The following GGT7 variants were observed in gnomAD, a reference collection of about 807,000 sequenced individuals.
GGT7 encodes glutathione hydrolase 7.
In GGT7, 30 loss-of-function variants were observed where a neutral mutation model predicts 69.2. That is an observed-to-expected ratio of 0.43 (90% CI 0.32 to 0.59). The LOEUF (loss-of-function observed/expected upper bound fraction) is 0.59. Ranked by LOEUF, GGT7 falls within the 20% of genes least tolerant of loss-of-function variation. GGT7 has a pLI of 0.05. For synonymous variants in GGT7, 388 were observed against 391.8 expected, an observed-to-expected ratio of 0.99 and a Z score of 0.12; for missense variants, 733 against 901.1, an observed-to-expected ratio of 0.81 and a Z score of 2.39.
chr20:34,854,702 C>T, intron 9 of GGT7, 83 bp from the exon 10 acceptor site: 1 of 1,591,732 alleles, frequency 6.3e-7, no homozygotes, highest in Non-Finnish European at 8.6e-7. Context: ...TGTGAGAAAA[C>T]TTGGAGGGGA....
intron 3 of GGT7, 75 bp from the exon 4 acceptor site, chr20:34,861,637 C>A: frequency 3.4e-6 from 3 of 887,410 alleles, no homozygotes; most frequent in Non-Finnish European, 4.8e-6. Context: ...TGCCCCTCCA[C>A]CCCCAGTGGT....
At chr20:34,856,345 C>A (rs1331524697) in intron 8 of GGT7, among the ~76,000 whole-genome samples, 1 of 152,152 alleles carries the variant, frequency 6.6e-6, no homozygotes, top group Non-Finnish European at 1.5e-5. Context: ...TTGAGTTTGG[C>A]CAGTTGTTAT....
rs1206361543 is a variant in GGT7 at position 34,863,261 on chromosome 20, ACCCCACT to A, written c.405+45_405+51del. On this transcript the variant is annotated intron_variant, in intron 2 of 14. Coordinates refer to ENST00000336431, the MANE Select transcript of GGT7 (RefSeq NM_178026.3). The surrounding 1 kb of genome is among the most constrained non-coding windows in gnomAD (Gnocchi z 4.4). Reference sequence around the variant, plus strand: ...CAGTTTCCACAGTTCCTCAAACATTACCCCACTCCCCACTCCCCAGTTTCCTCCCCCT... The same window carrying A: ...CAGTTTCCACAGTTCCTCAAACATTACCCCACTCCCCAGTTTCCTCCCCCT... 6.9e-6 allele frequency: 9 copies of A among 1,299,096 alleles called. No individual in the cohort carries two copies. Among genetic ancestry groups the A allele is most frequent in the Middle Eastern group, 1.8e-4 (1 of 5,462 alleles). 80.5% of individuals were successfully genotyped at this position (1,299,096 alleles called of 1,614,324 possible).
chr20:34,862,953 C>G lies in GGT7; in HGVS notation c.418G>C (p.Gly140Arg). The change falls in exon 3 of 15, where the codon GGT becomes CGT. Residue 140 changes from glycine to arginine, a missense_variant. Coordinates refer to ENST00000336431, the MANE Select transcript of GGT7 (RefSeq NM_178026.3). Reference sequence around the variant, plus strand: ...CGGGCAGCATCGGTCACCACGGCACCCTGCTGGAAGATCTGGGAGGGGAAA... The same window carrying G: ...CGGGCAGCATCGGTCACCACGGCACGCTGCTGGAAGATCTGGGAGGGGAAA... Reference protein sequence around the residue: ...YFGDPQIFQQGAVVTDAARCT... With the variant: ...YFGDPQIFQQRAVVTDAARCT... 1 of 1,613,034 alleles carries G rather than the reference C, an allele frequency of 6.2e-7. No individual in the cohort carries two copies. Among genetic ancestry groups the G allele is most frequent in the Non-Finnish European group, 8.5e-7 (1 of 1,179,606 alleles).
chr20:34,856,593 C>G (rs1348466276), intron 8 of GGT7, among the ~76,000 whole-genome samples: 1 of 152,198 alleles, frequency 6.6e-6, no homozygotes, highest in Non-Finnish European at 1.5e-5. Context: ...GGTCCACCCC[C>G]CAATATCCTA....
chr20:34,860,205 A>C (rs1236736932), intron 5 of GGT7, 49 bp downstream of exon 5: 1 of 1,386,778 alleles, frequency 7.2e-7, no homozygotes, highest in Non-Finnish European at 1.0e-6. Flanking sequence ...AGGCCACCCA[A>C]GGAGAGATGC....
In GGT7 at chr20:34,862,948, G is replaced by C. The variant is rs1358595796; in HGVS notation, c.423C>G (p.Ala141=). 1 of 1,613,292 alleles carries C rather than the reference G, an allele frequency of 6.2e-7. No homozygotes were observed. The highest frequency in any genetic ancestry group is 8.5e-7 in the Non-Finnish European group (1 of 1,179,692). ...FGDPQIFQQG[A]VVTDAARCTS... ...TGCAGCGGGCAGCATCGGTCACCACGGCACCCTGCTGGAAGATCTGGGAGG... is the reference window on the plus strand; with the variant it reads ...TGCAGCGGGCAGCATCGGTCACCACCGCACCCTGCTGGAAGATCTGGGAGG... The change falls in exon 3 of 15, where the codon GCC becomes GCG. Residue 141 remains alanine, a synonymous_variant. Coordinates refer to ENST00000336431, the MANE Select transcript of GGT7 (RefSeq NM_178026.3).
Position 34,872,802 on chromosome 20 carries a change from T to G in GGT7, c.14A>C (p.Asn5Thr), listed in dbSNP as rs1177795434. ...CAGGGCGCTCTCCTGGCTGGCCTCG[T>G]TCTCCGCCGCCATCCTCGCCCGCGC... is the stretch of plus-strand genomic sequence containing the variant. The part of the protein sequence containing the change: MAAE[N>T]EASQESALGA... Residue 5 changes from asparagine (N) to threonine (T), a missense_variant, in exon 1 of 15, where the codon AAC becomes ACC. Transcript: ENST00000336431. The G allele has an allele frequency of 7.4e-7, 1 of 1,358,210 alleles. No homozygotes were observed. The highest frequency in any genetic ancestry group is 9.5e-7 in the Non-Finnish European group (1 of 1,048,858). The allele number at this position is 1,358,210 out of a possible 1,614,324, so 84.1% of individuals were successfully genotyped here.
At chr20:34,860,404 G>C (rs2079573040) in intron 4 of GGT7, 83 bp from the exon 5 acceptor site, 1 of 1,043,656 alleles carries the variant, frequency 9.6e-7, no homozygotes, top group Admixed American at 1.7e-5. Context: ...AGAGCCCCAA[G>C]CCAGGGATGG....
intron 1 of GGT7, among the ~76,000 whole-genome samples, chr20:34,869,241 C>G (rs1038745029): frequency 6.6e-6 from 1 of 152,090 alleles, no homozygotes; most frequent in Non-Finnish European, 1.5e-5. Flanking sequence ...AATCTCAGCT[C>G]ACTGCAGCCT....
In GGT7 at chr20:34,854,872, C is replaced by G; in HGVS notation, c.1154G>C (p.Ser385Thr). ...GAAGCCCTCCAGGATGTTGAGAGCA[C>G]TGATGAGGGCAGGGCCCGTGTGCGG... Reference protein sequence around the residue: ...PPPHTGPALISALNILEGFNL... With the variant: ...PPPHTGPALITALNILEGFNL... Residue 385 changes from serine (S) to threonine (T), a missense_variant, in exon 9 of 15, where the codon AGT (serine) becomes ACT (threonine). Ser to Thr is a moderately conservative substitution (Grantham distance 58, BLOSUM62 1). Coordinates refer to ENST00000336431, the MANE Select transcript of GGT7 (RefSeq NM_178026.3). The G allele has an allele frequency of 3.1e-6, 5 of 1,614,076 alleles. No homozygotes were observed. Among genetic ancestry groups the G allele is most frequent in the Non-Finnish European group, 4.2e-6 (5 of 1,179,924 alleles).
chr20:34,850,097 C>A (rs1433625781), intron 13 of GGT7, 37 bp from the exon 14 acceptor site: 4 of 1,387,280 alleles, frequency 2.9e-6, no homozygotes, highest in Admixed American at 3.4e-5. Flanking sequence ...CAGGGCTGTC[C>A]CAGGGGTGAT....
intron 8 of GGT7, among the ~76,000 whole-genome samples, chr20:34,856,492 C>T (rs142198459): frequency 8.6e-4 from 131 of 152,244 alleles, no homozygotes; most frequent in African/African-American, 2.2e-3. Flanking sequence ...GCAGTGACAG[C>T]GCTGCTGGGG....
intron 7 of GGT7, among the ~76,000 whole-genome samples, chr20:34,858,566 C>T: frequency 6.6e-6 from 1 of 152,310 alleles, no homozygotes; most frequent in East Asian, 1.9e-4. Context: ...TCTATGCATC[C>T]TTACCATGAA....
At chr20:34,865,482 G>A (rs1033341695) in intron 1 of GGT7, among the ~76,000 whole-genome samples, 1 of 152,202 alleles carries the variant, frequency 6.6e-6, no homozygotes, top group Non-Finnish European at 1.5e-5. Flanking sequence ...GAGCCACTGC[G>A]CCCGGCCTGT....
At chr20:34,859,168 T>C (rs1365434545) in intron 7 of GGT7, among the ~76,000 whole-genome samples, 1 of 81,402 alleles carries the variant, frequency 1.2e-5, no homozygotes, top group African/African-American at 9.6e-5. Context: ...GGACTCCGTC[T>C]CATAAAAAAA....
Position 34,852,495 on chromosome 20 carries a change from G to C in GGT7, c.1363C>G (p.Gln455Glu), listed in dbSNP as rs751393594. 1 of 1,602,972 alleles carries C rather than the reference G, an allele frequency of 6.2e-7. No individual in the cohort carries two copies. Among genetic ancestry groups the C allele is most frequent in the Non-Finnish European group, 8.5e-7 (1 of 1,175,334 alleles). ...AYLRGHINDS[Q>E]AAPAPLLPVY... ...GGCAGGAGTGGGGCAGGGGCTGCCT[G>C]GGAGTCATTGATATGGCCCCGGAGG... Residue 455 changes from glutamine to glutamate, a missense_variant, in exon 11 of 15, where the codon CAG becomes GAG. Gln to Glu is a conservative substitution (Grantham distance 29, BLOSUM62 2). Transcript: ENST00000336431.
chr20:34,861,178 ACTT>A (rs1213603776), intron 4 of GGT7, among the ~76,000 whole-genome samples: 1 of 152,150 alleles, frequency 6.6e-6, no homozygotes, highest in Non-Finnish European at 1.5e-5. Context: ...CATTGCATCA[ACTT>A]CGTGACATTT....
intron 1 of GGT7, among the ~76,000 whole-genome samples, chr20:34,870,090 G>T (rs1387780363): frequency 6.6e-6 from 1 of 152,168 alleles, no homozygotes; most frequent in East Asian, 1.9e-4. Flanking sequence ...GTACCACCAG[G>T]TTGAGAACAC....
Sources: gnomAD v4.1 joint callset for allele counts (sites outside exome capture counted in the v4.1 genomes callset) on GRCh38, gnomAD v4.1.1 for gene constraint, Gnocchi (gnomAD v3.1) non-coding constraint, MANE v1.5 for transcripts, NCBI Gene and HGNC (gene_info 2026-07-23, HGNC 2026-07-21) for gene names.